Variants in GTF2IRD1 observed in about 807,000 individuals in gnomAD.
GTF2IRD1 encodes GTF2I repeat domain containing 1.
GTF2IRD1 carries 26 observed loss-of-function variants against 113.2 expected under a neutral mutation model. That is an observed-to-expected ratio of 0.23 (90% confidence interval 0.17 to 0.32). GTF2IRD1 has a LOEUF of 0.32. Among genes scored for constraint, GTF2IRD1 ranks in the 10% least tolerant of loss-of-function variants. GTF2IRD1 has a pLI of 1.00. For missense variants in GTF2IRD1, 864 were observed against 1,280.8 expected (o/e 0.67, Z 4.97); for synonymous variants, 484 against 529.1 (o/e 0.91, Z 1.17).
chr7:74,505,829 G>A lies in GTF2IRD1; in HGVS notation c.-6-2246G>A, dbSNP rs552205344. The stretch of plus-strand genomic sequence containing the variant: ...GACCCTCAAGCGGGCTTCCTGCCAC[G>A]GAACATCCCCAGCCGTGGCCACTGG... On this transcript the variant is annotated intron_variant, in intron 1 of 26. Coordinates refer to ENST00000424337, the MANE Select transcript of GTF2IRD1 (RefSeq NM_005685.4). Among the ~76,000 whole-genome samples, 57 of 152,274 alleles carry A rather than the reference G, an allele frequency of 3.7e-4. 1 individual carries two copies. In the South Asian group the frequency reaches 0.011, roughly 30 times the overall value.
Position 74,600,744 on chromosome 7 carries a change from A to C in GTF2IRD1, c.2630-300A>C, listed in dbSNP as rs587603719. On this transcript the variant is annotated intron_variant, in intron 25 of 26. Transcript: ENST00000424337. The stretch of plus-strand genomic sequence containing the variant: ...AGAAAGAGAGAGGACCTAGGGCCTA[A>C]GGGGTGAGCTTGCTGGGGAGGAGGA... Among the ~76,000 whole-genome samples the C allele has an allele frequency of 9.2e-5, 14 of 152,228 alleles. No individual in the cohort carries two copies. In the East Asian group the frequency reaches 1.2e-3, roughly 13 times the overall value.
In GTF2IRD1 at chr7:74,555,755, C is replaced by G. The variant is rs1378324774; in HGVS notation, c.2023+261C>G. Among the ~76,000 whole-genome samples the G allele has an allele frequency of 6.6e-6, 1 of 152,194 alleles. No individual in the cohort carries two copies. The highest frequency in any genetic ancestry group is 1.5e-5 in the Non-Finnish European group (1 of 68,042). On this transcript the variant is annotated intron_variant, in intron 19 of 26. Transcript: ENST00000424337. This position sits in a 1 kb window ranked among gnomAD's most constrained non-coding sequence, Gnocchi z 5.3. ...CCTGCCCCCTCCCTGCCCCACCCCC[C>G]AGAGGTAGCTGACACGCCCACTCCT...
At chr7:74,528,672 AGGAGGGAG>A (rs373735931) in intron 8 of GTF2IRD1, among the ~76,000 whole-genome samples, 3 of 122,814 alleles carry the variant, frequency 2.4e-5, no homozygotes, top group East Asian at 2.8e-4. Context: ...AACACCTGAA[AGGAGGGAG>A]GGAGGGAGGG....
At position 74,524,100 on chromosome 7, in the gene GTF2IRD1, G is replaced by A. The variant is rs782799091; in HGVS notation, c.1036G>A (p.Glu346Lys). The change falls in exon 8 of 27, where the codon GAG becomes AAG. Residue 346 changes from glutamate to lysine, a missense_variant. Coordinates refer to ENST00000424337, the MANE Select transcript of GTF2IRD1 (RefSeq NM_005685.4). Reference sequence around the variant, plus strand: ...GTGGGACGCCTTCATAAAGGAAACCGAGGACATCAACACGCTCCGGGAGTG... The same window carrying A: ...GTGGGACGCCTTCATAAAGGAAACCAAGGACATCAACACGCTCCGGGAGTG... ...EKWDAFIKET[E>K]DINTLRECVQ... 6 of 1,613,072 alleles carry A rather than the reference G, an allele frequency of 3.7e-6. No homozygotes were observed. The highest frequency in any genetic ancestry group is 2.2e-5 in the East Asian group (1 of 44,852).
intron 24 of GTF2IRD1, among the ~76,000 whole-genome samples, chr7:74,591,482 G>A (rs764974357): frequency 5.5e-5 from 8 of 145,318 alleles, no homozygotes; most frequent in Non-Finnish European, 1.2e-4. Flanking sequence ...GAGTTCAACC[G>A]ATTCTCGTGC....
chr7:74,505,273 A>G (rs1292388154), intron 1 of GTF2IRD1, among the ~76,000 whole-genome samples: 1 of 152,166 alleles, frequency 6.6e-6, no homozygotes, highest in Non-Finnish European at 1.5e-5. Context: ...CTCCTAGCAG[A>G]CGTGGGCCTG....
chr7:74,575,441 C>T (rs1554364240), intron 22 of GTF2IRD1, among the ~76,000 whole-genome samples: 1 of 152,158 alleles, frequency 6.6e-6, no homozygotes, highest in Admixed American at 6.6e-5. Context: ...AGCTTAGAGT[C>T]GGTGCAGTTC....
At chr7:74,475,038 T>C (rs1794323419) in intron 1 of GTF2IRD1, among the ~76,000 whole-genome samples, 1 of 152,132 alleles carries the variant, frequency 6.6e-6, no homozygotes, top group Non-Finnish European at 1.5e-5. Flanking sequence ...GACGATCACT[T>C]GAGGCTAAGA....
intron 23 of GTF2IRD1, among the ~76,000 whole-genome samples, chr7:74,590,526 C>A (rs587641195): frequency 1.3e-5 from 2 of 152,022 alleles, no homozygotes; most frequent in African/African-American, 4.8e-5. Context: ...GTAGCTGGGA[C>A]TACAGGTGCC....
At chr7:74,498,743 A>T (rs1257690748) in intron 1 of GTF2IRD1, among the ~76,000 whole-genome samples, 175 of 138,604 alleles carry the variant, frequency 1.3e-3, no homozygotes, top group Middle Eastern at 3.6e-3. Flanking sequence ...TTTTTTTTTT[A>T]AATAAGATGG....
chr7:74,486,089 G>C (rs1175982794), intron 1 of GTF2IRD1, among the ~76,000 whole-genome samples: 1 of 151,874 alleles, frequency 6.6e-6, no homozygotes, highest in Non-Finnish European at 1.5e-5. Flanking sequence ...TCCTGCCTCA[G>C]CCTCCTGAGT....
rs978341743 is a variant in GTF2IRD1 at position 74,465,556 on chromosome 7, T to C, written c.-7+11380T>C. 2.0e-4 allele frequency among the ~76,000 whole-genome samples: 30 copies of C among 152,208 alleles called. No homozygotes were observed. In the East Asian group the frequency reaches 5.2e-3, roughly 26 times the overall value. ...ATTGCCAGGTTCTTGGGAAAATCAG[T>C]GTATTCAGTTGCGGGGAGCTAGCTG... On this transcript the variant is annotated intron_variant, in intron 1 of 26. Coordinates refer to ENST00000424337, the MANE Select transcript of GTF2IRD1 (RefSeq NM_005685.4).
At chr7:74,572,502 T>C (rs781862207) in intron 22 of GTF2IRD1, 1 of 782,288 alleles carries the variant, frequency 1.3e-6, no homozygotes, top group Non-Finnish European at 1.6e-6. Flanking sequence ...ACTTACTGTC[T>C]TTGATCTTGG....
At position 74,508,179 on chromosome 7, in the gene GTF2IRD1, C is replaced by T. The variant is rs1554341692; in HGVS notation, c.99C>T (p.Ser33=). The change falls in exon 2 of 27, where the codon AGC becomes AGT. Residue 33 remains serine, a synonymous_variant. Coordinates refer to ENST00000424337, the MANE Select transcript of GTF2IRD1 (RefSeq NM_005685.4). ...AFTRKDEIIT[S]LVSALDSMCS... ...CCCGCAAAGACGAGATCATCACCAG[C>T]CTCGTGTCTGCCTTAGACTCCATGG... 1.9e-6 allele frequency: 3 copies of T among 1,612,978 alleles called. No homozygotes were observed. Among genetic ancestry groups the T allele is most frequent in the Admixed American group, 3.3e-5 (2 of 60,016 alleles).
chr7:74,501,440 T>A (rs1165399948), intron 1 of GTF2IRD1, among the ~76,000 whole-genome samples: 2 of 152,206 alleles, frequency 1.3e-5, no homozygotes, highest in African/African-American at 2.4e-5. Flanking sequence ...GCCCTGTGAC[T>A]CCTTCCGTCT....
intron 22 of GTF2IRD1, among the ~76,000 whole-genome samples, chr7:74,564,273 C>T (rs782665286): frequency 2.0e-5 from 3 of 152,116 alleles, no homozygotes; most frequent in Non-Finnish European, 2.9e-5. Flanking sequence ...GTGATCAGCC[C>T]GCCTCAGCCT....
chr7:74,591,891 G>A (rs1372818373), intron 24 of GTF2IRD1, among the ~76,000 whole-genome samples: 1 of 148,792 alleles, frequency 6.7e-6, no homozygotes, highest in Non-Finnish European at 1.5e-5. Context: ...AAGTGCTGAG[G>A]TTACAGGTGT....
Position 74,539,988 on chromosome 7 carries a change from T to G in GTF2IRD1, c.1618+20T>G, listed in dbSNP as rs782417798. ...TGACAGGTAAGAAATGGACCTGGGC[T>G]GGTGGTGCTTGGGACTCAGCTCTCC... On this transcript the variant is annotated intron_variant, in intron 14 of 26. Coordinates refer to ENST00000424337, the MANE Select transcript of GTF2IRD1 (RefSeq NM_005685.4). 6.4e-7 allele frequency: 1 copy of G among 1,556,282 alleles called. No individual in the cohort carries two copies. Among genetic ancestry groups the G allele is most frequent in the East Asian group, 2.2e-5 (1 of 44,498 alleles).
intron 22 of GTF2IRD1, among the ~76,000 whole-genome samples, chr7:74,576,955 A>G (rs1554364748): frequency 6.6e-6 from 1 of 152,022 alleles, no homozygotes; most frequent in Non-Finnish European, 1.5e-5. Context: ...GAATCCATGC[A>G]AAGATCAAAG....
Sources: allele counts gnomAD v4.1 joint callset (sites outside exome capture counted in the v4.1 genomes callset), GRCh38; gene constraint gnomAD v4.1.1; non-coding constraint Gnocchi (gnomAD v3.1); transcripts MANE v1.5; gene names NCBI Gene and HGNC (gene_info 2026-07-23, HGNC 2026-07-21).